Variants in RMDN3 observed in about 807,000 individuals in gnomAD.
The protein encoded by RMDN3 is regulator of microtubule dynamics 3.
A neutral mutation model predicts 61.8 loss-of-function variants in RMDN3; 41 were observed. The observed-to-expected ratio is 0.66, with a 90% confidence interval of 0.52 to 0.86. The LOEUF is 0.86. Among genes scored for constraint, RMDN3 ranks in the 40% least tolerant of loss-of-function variants. RMDN3 has a pLI of 0.00. For synonymous variants in RMDN3, 247 were observed against 232.0 expected (o/e 1.06, Z -0.59); for missense variants, 557 against 585.3 (o/e 0.95, Z 0.50).
Position 40,737,138 on chromosome 15 carries a change from C to G in RMDN3, c.1345G>C (p.Asp449His), listed in dbSNP as rs754877371. The change falls in exon 12 of 13, where the codon GAT becomes CAT. Residue 449 changes from aspartate to histidine, a missense_variant. Coordinates refer to ENST00000338376, the MANE Select transcript of RMDN3 (RefSeq NM_018145.3). Reference sequence around the variant, plus strand: ...AAAAGCCTTACCTCCTTCGTGACATCTGGCAGCTCCAGGGCCAACTTCATC... The same window carrying G: ...AAAAGCCTTACCTCCTTCGTGACATGTGGCAGCTCCAGGGCCAACTTCATC... ...WWMKLALELP[D>H]VTKEDLAIQK... The G allele has an allele frequency of 2.5e-6, 4 of 1,614,090 alleles. No individual in the cohort carries two copies. Among genetic ancestry groups the G allele is most frequent in the South Asian group, 2.2e-5 (2 of 91,086 alleles).
At chr15:40,738,815 A>C (rs1897168093) in intron 7 of RMDN3, 2 of 557,746 alleles carry the variant, frequency 3.6e-6, no homozygotes, top group Non-Finnish European at 6.4e-6. Context: ...GGTATAAAAA[A>C]AGCTGGGTTC....
At chr15:40,744,273 G>T (rs1368736962) in intron 5 of RMDN3, 124 bp from the exon 6 acceptor site, 1 of 798,164 alleles carries the variant, frequency 1.3e-6, no homozygotes. Flanking sequence ...ATCAATATCA[G>T]GCCAGCTCCT....
At chr15:40,738,076 G>A (rs1897134354) in intron 8 of RMDN3, 34 bp from the exon 9 acceptor site, 1 of 1,606,516 alleles carries the variant, frequency 6.2e-7, no homozygotes, top group South Asian at 1.1e-5. Context: ...ACTAACATCA[G>A]ACACCAGAGT....
chr15:40,738,449 T>G, intron 8 of RMDN3, 52 bp downstream of exon 8: 2 of 1,575,712 alleles, frequency 1.3e-6, no homozygotes, highest in Non-Finnish European at 1.7e-6. Flanking sequence ...TGGAAAGGAG[T>G]GGGGAATCTG....
At chr15:40,744,396 G>C in intron 5 of RMDN3, 2 of 421,010 alleles carry the variant, frequency 4.8e-6, no homozygotes, top group South Asian at 2.7e-5. Flanking sequence ...TGACCTCCTA[G>C]AACTGCTGGG....
Position 40,745,157 on chromosome 15 carries a change from T to C in RMDN3, c.627A>G (p.Arg209=). Residue 209 remains arginine (R), a synonymous_variant, in exon 5 of 13, where the codon AGA becomes AGG. Coordinates refer to ENST00000338376, the MANE Select transcript of RMDN3 (RefSeq NM_018145.3). ...CTTCCTCCAAGTCAAGAGAATCCTT[T>C]CTCCCCATCTTCACAGTCTCACAGC... ...EVSCETVKMG[R]KDSLDLEEEA... 6.2e-7 allele frequency: 1 copy of C among 1,614,120 alleles called. No homozygotes were observed. The highest frequency in any genetic ancestry group is 8.5e-7 in the Non-Finnish European group (1 of 1,180,024).
chr15:40,744,140 G>A lies in RMDN3; in HGVS notation c.817C>T (p.Arg273Trp), dbSNP rs201035155. ...LLNNKLVYGS[R>W]QDFLWRLARA... ...GCCAGGCGCCAGAGAAAGTCCTGCCGGCTTCCATACTGCAGACCAGACAGA... is the reference window on the plus strand; with the variant it reads ...GCCAGGCGCCAGAGAAAGTCCTGCCAGCTTCCATACTGCAGACCAGACAGA... Residue 273 changes from arginine (R) to tryptophan (W), a missense_variant, in exon 6 of 13, where the codon CGG becomes TGG. Physicochemically the swap from Arg to Trp is moderately radical, Grantham distance 101. Transcript: ENST00000338376. 48 of 1,613,312 alleles carry A rather than the reference G, an allele frequency of 3.0e-5. No homozygotes were observed. The highest frequency in any genetic ancestry group is 6.7e-5 in the Admixed American group (4 of 60,024).
intron 4 of RMDN3, among the ~76,000 whole-genome samples, chr15:40,748,511 C>T (rs975337088): frequency 2.6e-5 from 4 of 152,270 alleles, no homozygotes; most frequent in African/African-American, 9.6e-5. Flanking sequence ...TCCTTGTGGC[C>T]TTGGGAGTCC....
intron 7 of RMDN3, chr15:40,739,051 T>G (rs536710805): frequency 6.5e-6 from 1 of 153,076 alleles, no homozygotes; most frequent in African/African-American, 2.4e-5. Context: ...ATAGTCACAT[T>G]GGGAGGGGAT....
At chr15:40,753,925 C>T (rs890494628) in intron 2 of RMDN3, among the ~76,000 whole-genome samples, 1 of 152,216 alleles carries the variant, frequency 6.6e-6, no homozygotes, top group African/African-American at 2.4e-5. Flanking sequence ...AGCCTCAAGA[C>T]TTTTAATCCC....
intron 4 of RMDN3, among the ~76,000 whole-genome samples, chr15:40,748,361 C>A (rs886821996): frequency 4.6e-5 from 7 of 152,242 alleles, no homozygotes; most frequent in African/African-American, 1.7e-4. Flanking sequence ...TAGAGAACAG[C>A]CGGCTCAACC....
chr15:40,752,293 C>A, intron 2 of RMDN3, 115 bp from the exon 3 acceptor site: 2 of 1,052,822 alleles, frequency 1.9e-6, no homozygotes, highest in Non-Finnish European at 2.7e-6. Flanking sequence ...CCCAGTGACG[C>A]TCAGATAGCA....
intron 2 of RMDN3, among the ~76,000 whole-genome samples, chr15:40,753,901 T>C (rs947860905): frequency 1.3e-5 from 2 of 152,220 alleles, no homozygotes; most frequent in Admixed American, 6.5e-5. Flanking sequence ...TTCTAATATA[T>C]GATTTAATAC....
intron 4 of RMDN3, among the ~76,000 whole-genome samples, chr15:40,750,221 T>G (rs975846039): frequency 4.5e-4 from 66 of 146,722 alleles, no homozygotes; most frequent in African/African-American, 1.2e-3. Context: ...TTTTTTTTTT[T>G]TTTTTTTTTT....
chr15:40,749,682 C>T (rs1414461277), intron 4 of RMDN3, among the ~76,000 whole-genome samples: 1 of 152,244 alleles, frequency 6.6e-6, no homozygotes, highest in Non-Finnish European at 1.5e-5. Context: ...TTCTTTACAT[C>T]TCAGTGCCCA....
Position 40,738,059 on chromosome 15 carries a change from AAT to A in RMDN3, c.1048-19_1048-18del. The A allele has an allele frequency of 6.2e-7, 1 of 1,612,938 alleles. No individual in the cohort carries two copies. The highest frequency in any genetic ancestry group is 8.5e-7 in the Non-Finnish European group (1 of 1,178,914). On this transcript the variant is annotated intron_variant, in intron 8 of 12. Coordinates refer to ENST00000338376, the MANE Select transcript of RMDN3 (RefSeq NM_018145.3). Reference sequence around the variant, plus strand: ...CACATGCTCCTAAGGGGAAAATGTAAATATAAACTAACATCAGACACCAGAGT... The same window carrying A: ...CACATGCTCCTAAGGGGAAAATGTAAATAAACTAACATCAGACACCAGAGT...
At chr15:40,747,117 T>C (rs1897603892) in intron 4 of RMDN3, among the ~76,000 whole-genome samples, 1 of 152,194 alleles carries the variant, frequency 6.6e-6, no homozygotes, top group African/African-American at 2.4e-5. Flanking sequence ...ATCATCTCCC[T>C]TTGCTAGAAG....
At chr15:40,751,636 T>C (rs778373961) in intron 3 of RMDN3, 67 bp from the exon 4 acceptor site, 1 of 1,604,296 alleles carries the variant, frequency 6.2e-7, no homozygotes. Flanking sequence ...CTGCTCACCA[T>C]GGGGTGCCTC....
intron 7 of RMDN3, chr15:40,738,835 A>T: frequency 1.9e-6 from 1 of 530,500 alleles, no homozygotes; most frequent in Non-Finnish European, 3.4e-6. Flanking sequence ...CACCACAGTA[A>T]ATCTCTCTTA....
Sources: gnomAD v4.1 joint callset for allele counts (sites outside exome capture counted in the v4.1 genomes callset) on GRCh38, gnomAD v4.1.1 for gene constraint, MANE v1.5 for transcripts, NCBI Gene and HGNC (gene_info 2026-07-23, HGNC 2026-07-21) for gene names.